The following LYRM4 variants were observed in gnomAD, a reference collection of about 807,000 sequenced individuals.
The protein encoded by LYRM4 is LYR motif containing 4, also known as LYR motif-containing protein 4.
LYRM4 carries 9 observed loss-of-function variants against 11.7 expected under a neutral mutation model. That is an observed-to-expected ratio of 0.77 (90% CI 0.46 to 1.34). The LOEUF is 1.34. Among genes scored for constraint, LYRM4 ranks in the 40% most tolerant of loss-of-function variants. LYRM4 has a pLI of 0.00. For synonymous variants in LYRM4, 42 were observed against 40.4 expected (o/e 1.04, Z -0.15); for missense variants, 133 against 112.5 (o/e 1.18, Z -0.82).
chr6:5,131,225 A>G (rs1763937772), intron 2 of LYRM4, among the ~76,000 whole-genome samples: 1 of 152,250 alleles, frequency 6.6e-6, no homozygotes. Context: ...TGTAAGCACT[A>G]AATAAGACTG....
chr6:5,205,396 A>G (rs911668377), intron 2 of LYRM4, among the ~76,000 whole-genome samples: 1 of 151,998 alleles, frequency 6.6e-6, no homozygotes, highest in Non-Finnish European at 1.5e-5. Context: ...TTACAAATCA[A>G]CTGGAATACT....
At chr6:5,204,270 A>G (rs1761562249) in intron 2 of LYRM4, among the ~76,000 whole-genome samples, 1 of 152,122 alleles carries the variant, frequency 6.6e-6, no homozygotes, top group African/African-American at 2.4e-5. Flanking sequence ...TTTCTTTTCA[A>G]CTGACTCTGG....
chr6:5,092,556 G>GA, the LYRM4 span, among the ~76,000 whole-genome samples: 107,218 of 147,574 alleles, frequency 0.73, 39,017 homozygotes, highest in East Asian at 0.91. Flanking sequence ...CTAAAAATAT[G>GA]AAAAAAAAAA....
the LYRM4 span, among the ~76,000 whole-genome samples, chr6:5,051,090 A>G: frequency 6.6e-6 from 1 of 152,216 alleles, no homozygotes; most frequent in African/African-American, 2.4e-5. Context: ...GAATAAGTGA[A>G]CATGAAGATA....
intron 1 of LYRM4, among the ~76,000 whole-genome samples, chr6:5,251,043 C>T (rs1237703019): frequency 2.0e-5 from 3 of 152,326 alleles, no homozygotes; most frequent in African/African-American, 7.2e-5. Flanking sequence ...AATTTGCATG[C>T]TTCCTCTGTA....
rs546540079 is a variant in LYRM4 at position 5,138,690 on chromosome 6, A to G, written c.208-29199T>C. On this transcript the variant is annotated intron_variant, in intron 2 of 2. Coordinates refer to ENST00000330636, the MANE Select transcript of LYRM4 (RefSeq NM_020408.6). ...ACTGAAAACACAAGAAAATATCAAGATGCAATAGAAAACAAACCTGGTGGC... is the reference window on the plus strand; with the variant it reads ...ACTGAAAACACAAGAAAATATCAAGGTGCAATAGAAAACAAACCTGGTGGC... 7.9e-6 allele frequency: 12 copies of G among 1,522,962 alleles called. No homozygotes were observed. In the South Asian group the frequency reaches 1.3e-4, roughly 17 times the overall value. 94.3% of individuals were successfully genotyped at this position (1,522,962 alleles called of 1,614,324 possible). A position where few individuals can be genotyped will look rare whatever the true frequency, so the allele number is the denominator to read the frequency against.
downstream of LYRM4, chr6:5,107,109 T>C (rs1762684914): frequency 6.6e-6 from 1 of 152,278 alleles, no homozygotes; most frequent in Non-Finnish European, 1.5e-5. Flanking sequence ...TGCCACAGAA[T>C]TCGGATTTGT....
chr6:5,202,867 T>C (rs1347590341), intron 2 of LYRM4, among the ~76,000 whole-genome samples: 1 of 152,194 alleles, frequency 6.6e-6, no homozygotes, highest in South Asian at 2.1e-4. Context: ...GTTTGTGGAA[T>C]CTAGTCCTTT....
chr6:5,153,103 A>AT (rs947244848), intron 2 of LYRM4, among the ~76,000 whole-genome samples: 11 of 151,764 alleles, frequency 7.2e-5, no homozygotes, highest in South Asian at 2.1e-4. Flanking sequence ...TCTTATTATT[A>AT]TTTTTTTTGT....
At chr6:5,074,397 C>CT in the LYRM4 span, among the ~76,000 whole-genome samples, 1,041 of 76,674 alleles carry the variant, frequency 0.014, 16 homozygotes, top group African/African-American at 0.035. Flanking sequence ...AGCACAGGTA[C>CT]TTTTTTTTTT....
At chr6:5,206,183 G>T (rs1027517268) in intron 2 of LYRM4, among the ~76,000 whole-genome samples, 11 of 152,198 alleles carry the variant, frequency 7.2e-5, no homozygotes, top group Non-Finnish European at 4.4e-5. Context: ...TCTGGGACTT[G>T]GCAATCATTA....
chr6:5,209,134 C>T (rs1761857648), intron 2 of LYRM4, among the ~76,000 whole-genome samples: 1 of 152,158 alleles, frequency 6.6e-6, no homozygotes, highest in African/African-American at 2.4e-5. Flanking sequence ...CACTCTGTCG[C>T]CCAGGCTGGA....
the LYRM4 span, chr6:5,087,938 G>C: frequency 6.6e-6 from 1 of 152,176 alleles, no homozygotes; most frequent in African/African-American, 2.4e-5. Flanking sequence ...TCGTTTTAGG[G>C]ATGGTAGTCT....
At chr6:5,139,527 A>G (rs1757290356) in intron 2 of LYRM4, among the ~76,000 whole-genome samples, 1 of 152,240 alleles carries the variant, frequency 6.6e-6, no homozygotes. Flanking sequence ...TAATATTAAC[A>G]AGATATTGTT....
chr6:5,090,369 A>G, the LYRM4 span, among the ~76,000 whole-genome samples: 10 of 152,126 alleles, frequency 6.6e-5, no homozygotes, highest in Non-Finnish European at 1.0e-4. The surrounding 1 kb of genome is among the most constrained non-coding windows in gnomAD (Gnocchi z 4.8). Context: ...TCTCCCCGGG[A>G]AGCTTCCGGT....
intron 2 of LYRM4, among the ~76,000 whole-genome samples, chr6:5,182,655 G>A (rs1019637418): frequency 1.3e-5 from 2 of 152,296 alleles, no homozygotes; most frequent in Admixed American, 6.5e-5. Context: ...GAGCCCAGGG[G>A]CTCAGAACTA....
At chr6:5,138,718 A>G in intron 2 of LYRM4, 5 of 1,533,446 alleles carry the variant, frequency 3.3e-6, no homozygotes, top group Non-Finnish European at 4.4e-6. Context: ...CTGGTGGCAG[A>G]CAATGACTAT....
intron 2 of LYRM4, among the ~76,000 whole-genome samples, chr6:5,113,995 G>T (rs1763006710): frequency 6.6e-6 from 1 of 152,260 alleles, no homozygotes; most frequent in East Asian, 1.9e-4. Context: ...TTCCTTATGG[G>T]GTCAGTGCAC....
chr6:5,253,630 G>C (rs1274045543), intron 1 of LYRM4, among the ~76,000 whole-genome samples: 1 of 152,106 alleles, frequency 6.6e-6, no homozygotes, highest in Non-Finnish European at 1.5e-5. Flanking sequence ...TTTTGCAAAG[G>C]AGACGAGAGC....
Sources: allele counts gnomAD v4.1 joint callset (sites outside exome capture counted in the v4.1 genomes callset), GRCh38; gene constraint gnomAD v4.1.1; non-coding constraint Gnocchi (gnomAD v3.1); transcripts MANE v1.5; gene names NCBI Gene and HGNC (gene_info 2026-07-23, HGNC 2026-07-21).